The following AJUBA variants were observed in gnomAD, a reference collection of about 807,000 sequenced individuals.
The protein encoded by AJUBA is LIM domain-containing protein ajuba.
A neutral mutation model predicts 53.3 loss-of-function variants in AJUBA; 20 were observed. The ratio of observed to expected loss-of-function variants is 0.38; its 90% confidence interval spans 0.26 to 0.55. The LOEUF (loss-of-function observed/expected upper bound fraction) is 0.55, where lower values mean the gene tolerates loss of function less well. AJUBA is among the 20% of genes least tolerant of loss of function. AJUBA has a pLI of 0.80. For missense variants in AJUBA, 580 were observed against 730.5 expected (o/e 0.79, Z 2.38); for synonymous variants, 296 against 306.2 (o/e 0.97, Z 0.35).
intron 5 of AJUBA, 23 bp downstream of exon 5, chr14:22,974,950 CT>C: frequency 6.2e-7 from 1 of 1,613,984 alleles, no homozygotes; most frequent in Middle Eastern, 1.7e-4. Flanking sequence ...CAGTTCCACA[CT>C]GCATCCCAAG....
chr14:22,974,690 G>A, intron 6 of AJUBA, 149 bp downstream of exon 6: 1 of 888,222 alleles, frequency 1.1e-6, no homozygotes. Context: ...TCAGGGTGGT[G>A]ACCCCAAGAG....
In AJUBA at chr14:22,973,176, A is replaced by G. The variant is rs1461621891; in HGVS notation, c.*267T>C. On this transcript the variant is annotated 3_prime_UTR_variant, in exon 8 of 8. Transcript: ENST00000262713. ...GAAGATACAGAATCAGATGTTCAGA[A>G]AGTCCTGGAACCCTCCTGTGTGTGC... 4 of 468,410 alleles carry G rather than the reference A, an allele frequency of 8.5e-6. No homozygotes were observed. The highest frequency in any genetic ancestry group is 1.2e-5 in the Non-Finnish European group (3 of 259,568). The allele number at this position is 468,410 out of a possible 1,614,324, so 29.0% of individuals were successfully genotyped here.
chr14:22,978,588 A>C, intron 1 of AJUBA, 143 bp from the exon 2 acceptor site: 1 of 1,427,518 alleles, frequency 7.0e-7, no homozygotes, highest in South Asian at 1.5e-5. Context: ...GATAACGAGT[A>C]ATGAGATGCA....
chr14:22,981,038 A>AG (rs1229486757), intron 1 of AJUBA, among the ~76,000 whole-genome samples: 4 of 151,660 alleles, frequency 2.6e-5, no homozygotes, highest in Admixed American at 6.6e-5. Flanking sequence ...ACGAGATACC[A>AG]GGGGGGTTGA....
Position 22,981,954 on chromosome 14 carries a change from A to G in AJUBA, c.313T>C (p.Leu105=). The change falls in exon 1 of 8, where the codon TTG becomes CTG. Residue 105 remains leucine, a synonymous_variant. Transcript: ENST00000262713. ...GGCTCCAGCCGAAAATCGGGGGGCA[A>G]CGACTGAGGTAGAGGCAAGGCCCGG... ...PTRALPLPQS[L]PPDFRLEPTA... 6.4e-7 allele frequency: 1 copy of G among 1,573,860 alleles called. No individual in the cohort carries two copies. The highest frequency in any genetic ancestry group is 8.6e-7 in the Non-Finnish European group (1 of 1,164,070).
chr14:22,982,147 C>T lies in AJUBA; in HGVS notation c.120G>A (p.Gly40=). The change falls in exon 1 of 8, where the codon GGG becomes GGA. Residue 40 remains glycine (G), a synonymous_variant. Transcript: ENST00000262713. The stretch of plus-strand genomic sequence containing the variant: ...GCCCTGACTTCCTAGGTCCCCCCAA[C>T]CCACTTAGGCGCCCCTTGCCCGGCC... ...TPGPGKGRLS[G]LGGPRKSGPR... 6.2e-7 allele frequency: 1 copy of T among 1,610,596 alleles called. No homozygotes were observed.
At chr14:22,977,227 CAGA>C (rs952028978) in intron 2 of AJUBA, 7 of 986,732 alleles carry the variant, frequency 7.1e-6, no homozygotes, top group African/African-American at 1.7e-5. Flanking sequence ...GGAGTTACTG[CAGA>C]AGGACAAAGT....
chr14:22,978,242 A>C (rs2045055771), intron 2 of AJUBA, 102 bp downstream of exon 2: 1 of 1,135,466 alleles, frequency 8.8e-7, no homozygotes, highest in African/African-American at 1.5e-5. Flanking sequence ...CTGCTCTGTG[A>C]GCAAATGAAG....
At position 22,981,535 on chromosome 14, in the gene AJUBA, G is replaced by A. The variant is rs1165694563; in HGVS notation, c.732C>T (p.Ala244=). The A allele has an allele frequency of 1.3e-6, 2 of 1,591,390 alleles. No homozygotes were observed. The highest frequency in any genetic ancestry group is 1.7e-5 in the Admixed American group (1 of 57,864). Residue 244 remains alanine, a synonymous_variant, in exon 1 of 8, where the codon GCC becomes GCT. Coordinates refer to ENST00000262713, the MANE Select transcript of AJUBA (RefSeq NM_032876.6). ...ALGSPGALAG[A]GVGAAGPLER... is the part of the protein sequence containing the mutation. ...CCAAGGGCCCCGCCGCTCCCACTCC[G>A]GCCCCGGCTAGAGCTCCAGGGCTGC...
At chr14:22,980,160 TAAG>T (rs1388837155) in intron 1 of AJUBA, among the ~76,000 whole-genome samples, 1 of 152,160 alleles carries the variant, frequency 6.6e-6, no homozygotes, top group African/African-American at 2.4e-5. Flanking sequence ...GCATGAGTGG[TAAG>T]AAGAGATGCT....
chr14:22,978,695 T>G, intron 1 of AJUBA: 1 of 1,274,418 alleles, frequency 7.8e-7, no homozygotes, highest in South Asian at 1.6e-5. Flanking sequence ...CACCACTACC[T>G]AAGGAAACCT....
rs1194595640 is a variant in AJUBA at position 22,974,832 on chromosome 14, T to C, written c.1422+7A>G. On this transcript the variant is annotated splice_region_variant and intron_variant, in intron 6 of 7. Transcript: ENST00000262713. The stretch of plus-strand genomic sequence containing the variant: ...GCTGCCCTGAAGGAGAACCCAGACA[T>C]ACTGACCTCAGAGGGGAGGATGGGT... 1.2e-6 allele frequency: 2 copies of C among 1,611,068 alleles called. No homozygotes were observed. The highest frequency in any genetic ancestry group is 2.7e-5 in the African/African-American group (2 of 74,864).
At chr14:22,978,973 G>A (rs1307104375) in intron 1 of AJUBA, 1 of 1,289,026 alleles carries the variant, frequency 7.8e-7, no homozygotes, top group Non-Finnish European at 1.0e-6. Flanking sequence ...GACTTCCAAG[G>A]ATGGAGAAAA....
intron 1 of AJUBA, among the ~76,000 whole-genome samples, chr14:22,980,172 C>G (rs534311639): frequency 1.3e-5 from 2 of 152,314 alleles, no homozygotes; most frequent in African/African-American, 4.8e-5. Flanking sequence ...AGAAGAGATG[C>G]TTAGAAAAGT....
In AJUBA at chr14:22,982,418, G is replaced by C; in HGVS notation, c.-152C>G. ...CGGGCGGCCTGGATGCCCTGCGCCA[G>C]GAATCCCACAGCATCCCCCAGCGGG... On this transcript the variant is annotated 5_prime_UTR_variant, in exon 1 of 8. Coordinates refer to ENST00000262713, the MANE Select transcript of AJUBA (RefSeq NM_032876.6). 2.1e-6 allele frequency: 3 copies of C among 1,448,708 alleles called. No individual in the cohort carries two copies. The highest frequency in any genetic ancestry group is 2.7e-6 in the Non-Finnish European group (3 of 1,109,794). The allele number at this position is 1,448,708 out of a possible 1,614,324, so 89.7% of individuals were successfully genotyped here.
intron 2 of AJUBA, chr14:22,977,558 G>A (rs2045048793): frequency 6.6e-6 from 1 of 152,282 alleles, no homozygotes; most frequent in African/African-American, 2.4e-5. Context: ...ACACAGGGGA[G>A]GAAAGATAGG....
chr14:22,981,981 T>A lies in AJUBA; in HGVS notation c.286A>T (p.Thr96Ser), dbSNP rs747246942. The A allele has an allele frequency of 1.9e-6, 3 of 1,576,018 alleles. No homozygotes were observed. Among genetic ancestry groups the A allele is most frequent in the South Asian group, 2.3e-5 (2 of 86,352 alleles). ...EGSFPAGPPP[T>S]RALPLPQSLP... ...GACTGAGGTAGAGGCAAGGCCCGGG[T>A]GGGCGGCGGCCCCGCGGGAAAAGAG... Residue 96 changes from threonine (T) to serine (S), a missense_variant, in exon 1 of 8, where the codon ACC becomes TCC. Thr to Ser is a moderately conservative substitution (Grantham distance 58, BLOSUM62 1). Around this residue, in one of 2 missense-constraint regions of AJUBA, gnomAD observed 430 missense variants for 471.5 expected, o/e 0.91. Coordinates refer to ENST00000262713, the MANE Select transcript of AJUBA (RefSeq NM_032876.6).
At position 22,979,974 on chromosome 14, in the gene AJUBA, T is replaced by A. The variant is rs1017371079; in HGVS notation, c.1006+1287A>T. ...CATCTCCTCTGGGCTTTCCTCTCGGTGGATTTGGAGGTGGGGAAAAGAATG... is the reference window on the plus strand; with the variant it reads ...CATCTCCTCTGGGCTTTCCTCTCGGAGGATTTGGAGGTGGGGAAAAGAATG... On this transcript the variant is annotated intron_variant, in intron 1 of 7. Transcript: ENST00000262713. This position sits in a 1 kb window ranked among gnomAD's most constrained non-coding sequence, Gnocchi z 4.0. 2.0e-5 allele frequency among the ~76,000 whole-genome samples: 3 copies of A among 151,486 alleles called. No homozygotes were observed. The highest frequency in any genetic ancestry group is 4.4e-5 in the Non-Finnish European group (3 of 67,880).
chr14:22,982,088 G>C lies in AJUBA; in HGVS notation c.179C>G (p.Pro60Arg). 1 of 1,592,770 alleles carries C rather than the reference G, an allele frequency of 6.3e-7. No individual in the cohort carries two copies. Among genetic ancestry groups the C allele is most frequent in the Non-Finnish European group, 8.5e-7 (1 of 1,172,320 alleles). ...ACCTTGCTCCCGGGCCGGCTCCAAC[G>C]GCTCATCCCCAGGTCCCCCAGTAGC... is the stretch of plus-strand genomic sequence containing the variant. ...RGATGGPGDE[P>R]LEPAREQGSL... The change falls in exon 1 of 8, where the codon CCG (proline) becomes CGG (arginine). Residue 60 changes from proline (P) to arginine (R), a missense_variant. Transcript: ENST00000262713.
Sources: gnomAD v4.1 joint callset for allele counts (sites outside exome capture counted in the v4.1 genomes callset) on GRCh38, gnomAD v4.1.1 for gene constraint, gnomAD v4.1.1 regional missense constraint, Gnocchi (gnomAD v3.1) non-coding constraint, MANE v1.5 for transcripts, NCBI Gene and HGNC (gene_info 2026-07-23, HGNC 2026-07-21) for gene names.